Variants in MGAT4C observed in about 807,000 individuals in gnomAD.
The protein encoded by MGAT4C is alpha-1,3-mannosyl-glycoprotein 4-beta-N-acetylglucosaminyltransferase C.
A neutral mutation model predicts 40.1 loss-of-function variants in MGAT4C; 19 were observed. That is an observed-to-expected ratio of 0.47 (90% CI 0.33 to 0.70). The LOEUF (loss-of-function observed/expected upper bound fraction) is 0.70, where lower values mean the gene tolerates loss of function less well. MGAT4C is among the 30% of genes least tolerant of loss of function. The probability of loss-of-function intolerance (pLI) is 0.02; values close to 1 mark genes in which losing one functional copy is unlikely to be tolerated. For synonymous variants in MGAT4C, 181 were observed against 187.1 expected (o/e 0.97, Z 0.27); for missense variants, 491 against 563.2 (o/e 0.87, Z 1.30).
At chr12:86,193,397 A>AT (rs903368275) in intron 1 of MGAT4C, among the ~76,000 whole-genome samples, 102 of 151,642 alleles carry the variant, frequency 6.7e-4, no homozygotes, top group African/African-American at 2.2e-3. Flanking sequence ...ATTTATTTTT[A>AT]TTTTTTCCTA....
intron 2 of MGAT4C, among the ~76,000 whole-genome samples, chr12:86,457,586 T>C (rs2136292449): frequency 6.6e-6 from 1 of 152,210 alleles, no homozygotes; most frequent in East Asian, 1.9e-4. Flanking sequence ...GACTTTTTCA[T>C]GTGGGAAGTT....
At chr12:86,460,303 GCAAA>G in intron 2 of MGAT4C, among the ~76,000 whole-genome samples, 1 of 152,238 alleles carries the variant, frequency 6.6e-6, no homozygotes, top group Non-Finnish European at 1.5e-5. Context: ...AGATGATTAG[GCAAA>G]CTCTGTGCTA....
intron 1 of MGAT4C, among the ~76,000 whole-genome samples, chr12:86,187,507 A>G (rs930405644): frequency 2.6e-5 from 4 of 151,950 alleles, no homozygotes; most frequent in African/African-American, 9.7e-5. Context: ...GAATGTGGCA[A>G]CTATTGGTAT....
intron 2 of MGAT4C, among the ~76,000 whole-genome samples, chr12:86,443,663 G>A (rs1326447920): frequency 7.2e-5 from 11 of 152,050 alleles, no homozygotes; most frequent in Admixed American, 2.6e-4. Flanking sequence ...GCACGATCTC[G>A]GCTCACTGCA....
At chr12:86,362,140 G>A (rs1223330778) in intron 3 of MGAT4C, among the ~76,000 whole-genome samples, 1 of 152,164 alleles carries the variant, frequency 6.6e-6, no homozygotes, top group Non-Finnish European at 1.5e-5. Context: ...TATACACCAT[G>A]GAATACTATG....
chr12:86,521,239 G>C (rs1958789954), intron 2 of MGAT4C, among the ~76,000 whole-genome samples: 1 of 151,982 alleles, frequency 6.6e-6, no homozygotes, highest in Admixed American at 6.6e-5. Context: ...CCTGAGTTGA[G>C]TTTTGTATAT....
chr12:86,019,880 G>C (rs1450847994), intron 2 of MGAT4C, among the ~76,000 whole-genome samples: 1 of 152,100 alleles, frequency 6.6e-6, no homozygotes, highest in Admixed American at 6.5e-5. Flanking sequence ...GCAGTGGTTT[G>C]TAGTTCTCCT....
chr12:86,233,079 A>G (rs1951394600), intron 1 of MGAT4C, among the ~76,000 whole-genome samples: 1 of 152,186 alleles, frequency 6.6e-6, no homozygotes, highest in Admixed American at 6.5e-5. Context: ...TCTCTAGGTT[A>G]TTCTGTTTTA....
chr12:86,454,605 A>G (rs1957481568), intron 2 of MGAT4C, among the ~76,000 whole-genome samples: 1 of 152,162 alleles, frequency 6.6e-6, no homozygotes, highest in African/African-American at 2.4e-5. Context: ...AAAAGCCAGA[A>G]AGATTGTATT....
At chr12:86,428,068 A>G (rs1956963675) in intron 3 of MGAT4C, among the ~76,000 whole-genome samples, 1 of 151,936 alleles carries the variant, frequency 6.6e-6, no homozygotes, top group Non-Finnish European at 1.5e-5. Flanking sequence ...AACAACAAAA[A>G]AACCCGCTAA....
intron 2 of MGAT4C, among the ~76,000 whole-genome samples, chr12:86,043,044 A>G (rs1223518255): frequency 6.6e-6 from 1 of 152,028 alleles, no homozygotes; most frequent in East Asian, 1.9e-4. Flanking sequence ...TCTGATGACT[A>G]TGAGTCTTGG....
intron 3 of MGAT4C, among the ~76,000 whole-genome samples, chr12:86,398,946 T>A (rs1334230522): frequency 6.6e-6 from 1 of 152,018 alleles, no homozygotes; most frequent in African/African-American, 2.4e-5. Context: ...GATGACAGGC[T>A]TTTTGTCCAA....
intron 2 of MGAT4C, among the ~76,000 whole-genome samples, chr12:86,621,505 G>A (rs759457096): frequency 1.3e-5 from 2 of 152,118 alleles, no homozygotes; most frequent in Non-Finnish European, 2.9e-5. Context: ...TTGAGATAGA[G>A]TCTCACTCTG....
chr12:85,993,622 C>T (rs1461578746), intron 2 of MGAT4C, among the ~76,000 whole-genome samples: 1 of 152,150 alleles, frequency 6.6e-6, no homozygotes, highest in Non-Finnish European at 1.5e-5. Flanking sequence ...GTTAATCACA[C>T]AGGTGGCCCC....
chr12:86,564,379 G>T (rs1959996601), intron 2 of MGAT4C, among the ~76,000 whole-genome samples: 1 of 151,288 alleles, frequency 6.6e-6, no homozygotes. Flanking sequence ...CTTCACTGTT[G>T]TACCTCAGGG....
chr12:86,723,244 C>T (rs956110591), intron 2 of MGAT4C, among the ~76,000 whole-genome samples: 3 of 152,080 alleles, frequency 2.0e-5, no homozygotes, highest in African/African-American at 7.2e-5. Flanking sequence ...ACATAAATTC[C>T]CTAAGCCACT....
chr12:86,782,274 C>A (rs1216446718), intron 1 of MGAT4C, among the ~76,000 whole-genome samples: 1 of 148,710 alleles, frequency 6.7e-6, no homozygotes, highest in Non-Finnish European at 1.5e-5. Context: ...CTCCGCCTCC[C>A]GGGTTCACGC....
intron 3 of MGAT4C, among the ~76,000 whole-genome samples, chr12:86,396,817 C>T (rs1033870560): frequency 6.6e-6 from 1 of 152,210 alleles, no homozygotes; most frequent in African/African-American, 2.4e-5. Context: ...GTAGCCATAA[C>T]TGTTATAATA....
chr12:86,187,340 C>T (rs4842558), intron 1 of MGAT4C, among the ~76,000 whole-genome samples: 10,269 of 151,952 alleles, frequency 0.068, 496 homozygotes, highest in Middle Eastern at 0.22. Context: ...TAATATATAA[C>T]GTAAAATTCA....
Sources: gnomAD v4.1 joint callset for allele counts (sites outside exome capture counted in the v4.1 genomes callset) on GRCh38, gnomAD v4.1.1 for gene constraint, MANE v1.5 for transcripts, NCBI Gene and HGNC (gene_info 2026-07-23, HGNC 2026-07-21) for gene names.